The following SUB1 variants were observed in gnomAD, a reference collection of about 807,000 sequenced individuals.
SUB1 encodes SUB1 regulator of transcription.
SUB1 carries 1 observed loss-of-function variant against 16.9 expected under a neutral mutation model. That is an observed-to-expected ratio of 0.06 (90% confidence interval 0.02 to 0.28). The LOEUF (loss-of-function observed/expected upper bound fraction) is 0.28, where lower values mean the gene tolerates loss of function less well. Among genes scored for constraint, SUB1 ranks in the 10% least tolerant of loss-of-function variants. The pLI is 1.00. For synonymous variants in SUB1, 51 were observed against 46.9 expected (o/e 1.09, Z -0.36); for missense variants, 84 against 145.2 (o/e 0.58, Z 2.16).
intron 3 of SUB1, 89 bp from the exon 4 acceptor site, chr5:32,598,872 A>G (rs1739047455): frequency 1.0e-6 from 1 of 959,940 alleles, no homozygotes; most frequent in Non-Finnish European, 1.6e-6. Context: ...ATGTAGAGTG[A>G]GCATGCAGCA....
chr5:32,603,855 A>AT lies in SUB1; in HGVS notation c.*2777dup, dbSNP rs972670923. 18 of 151,820 alleles carry AT rather than the reference A, an allele frequency of 1.2e-4. No individual in the cohort carries two copies. The highest frequency in any genetic ancestry group is 3.9e-4 in the African/African-American group (16 of 41,344). The allele number at this position is 151,820 out of a possible 1,614,324, so 9.4% of individuals were successfully genotyped here. On this transcript the variant is annotated 3_prime_UTR_variant, in exon 5 of 5. Coordinates refer to ENST00000265073, the MANE Select transcript of SUB1 (RefSeq NM_006713.4). ...TCTCTCCTGAAATTCTTTGCAGTTC[A>AT]TTTTTTATGGCAGTTAATCCAGTGA...
intron 1 of SUB1, among the ~76,000 whole-genome samples, chr5:32,587,290 C>G (rs1738697929): frequency 6.6e-6 from 1 of 152,120 alleles, no homozygotes; most frequent in South Asian, 2.1e-4. Context: ...GTTTTATGAC[C>G]TGGTGTTATA....
intron 4 of SUB1, 49 bp from the exon 5 acceptor site, chr5:32,600,956 T>A (rs1739100609): frequency 6.5e-7 from 1 of 1,533,442 alleles, no homozygotes; most frequent in Non-Finnish European, 9.0e-7. Context: ...ATGAAAATCC[T>A]CAACGCTTAA....
At chr5:32,587,572 A>T (rs1440103927) in intron 1 of SUB1, among the ~76,000 whole-genome samples, 1 of 152,098 alleles carries the variant, frequency 6.6e-6, no homozygotes, top group East Asian at 1.9e-4. Flanking sequence ...AGAGTAGAAA[A>T]ATCTGTGTAA....
chr5:32,600,944 G>A lies in SUB1; in HGVS notation c.305-61G>A, dbSNP rs1273554720. 8 of 1,461,094 alleles carry A rather than the reference G, an allele frequency of 5.5e-6. No individual in the cohort carries two copies. The East Asian group carries it at 1.8e-4, about 33-fold the overall frequency. 90.5% of individuals were successfully genotyped at this position (1,461,094 alleles called of 1,614,324 possible). On this transcript the variant is annotated intron_variant, in intron 4 of 4. Transcript: ENST00000265073. ...TGATAAAACAGTATTCTAGTTGGAA[G>A]TATGAAAATCCTCAACGCTTAAATA...
rs1330282529 is a variant in SUB1 at position 32,601,630 on chromosome 5, G to C, written c.*546G>C. ...TACTTCACTCTTTATTCTTTTCTTT[G>C]ATTATGGTATGCTTATTTGGAAAGT... On this transcript the variant is annotated 3_prime_UTR_variant, in exon 5 of 5. Coordinates refer to ENST00000265073, the MANE Select transcript of SUB1 (RefSeq NM_006713.4). 1 of 152,322 alleles carries C rather than the reference G, an allele frequency of 6.6e-6. No homozygotes were observed. Among genetic ancestry groups the C allele is most frequent in the Non-Finnish European group, 1.5e-5 (1 of 68,406 alleles). The allele number at this position is 152,322 out of a possible 1,614,324, so 9.4% of individuals were successfully genotyped here.
rs1446579299 is a variant in SUB1, at chr5:32,602,878, G to A, written c.*1794G>A. On this transcript the variant is annotated 3_prime_UTR_variant, in exon 5 of 5. Coordinates refer to ENST00000265073, the MANE Select transcript of SUB1 (RefSeq NM_006713.4). ...ACTTCCCTCCTTTTTTGGGGAACAT[G>A]TTTGTGTCCTATTAACTTAATTGGA... 2 of 152,014 alleles carry A rather than the reference G, an allele frequency of 1.3e-5. No individual in the cohort carries two copies. Among genetic ancestry groups the A allele is most frequent in the African/African-American group, 4.8e-5 (2 of 41,386 alleles). 9.4% of individuals were successfully genotyped at this position (152,014 alleles called of 1,614,324 possible). A position where few individuals can be genotyped will look rare whatever the true frequency, so the allele number is the denominator to read the frequency against.
Position 32,601,199 on chromosome 5 carries a change from G to T in SUB1, c.*115G>T, listed in dbSNP as rs1739106256. ...GCTATTGTATGTTTGGATTGCAGAA[G>T]AATTTGTAAGATGAATACTTTTTTT... On this transcript the variant is annotated 3_prime_UTR_variant, in exon 5 of 5. Transcript: ENST00000265073. The T allele has an allele frequency of 7.8e-6, 6 of 770,986 alleles. No individual in the cohort carries two copies. Among genetic ancestry groups the T allele is most frequent in the Non-Finnish European group, 1.3e-5 (6 of 477,146 alleles). The allele number at this position is 770,986 out of a possible 1,614,324, so 47.8% of individuals were successfully genotyped here.
At chr5:32,589,508 A>G (rs578066969) in intron 2 of SUB1, among the ~76,000 whole-genome samples, 19 of 152,350 alleles carry the variant, frequency 1.2e-4, no homozygotes, top group African/African-American at 4.6e-4. Flanking sequence ...GGTCCCTTCC[A>G]TTTAATTAAA....
At chr5:32,591,471 G>C in intron 2 of SUB1, 92 bp from the exon 3 acceptor site, 1 of 1,431,894 alleles carries the variant, frequency 7.0e-7, no homozygotes, top group Non-Finnish European at 9.2e-7. Flanking sequence ...GTAGTCTTTT[G>C]ATTGTTTAAA....
At position 32,603,907 on chromosome 5, in the gene SUB1, A is replaced by G. The variant is rs1309900368; in HGVS notation, c.*2823A>G. 2.0e-5 allele frequency: 3 copies of G among 147,728 alleles called. No homozygotes were observed. Among genetic ancestry groups the G allele is most frequent in the Non-Finnish European group, 1.5e-5 (1 of 67,622 alleles). The allele number at this position is 147,728 out of a possible 1,614,324, so 9.2% of individuals were successfully genotyped here. On this transcript the variant is annotated 3_prime_UTR_variant, in exon 5 of 5. Coordinates refer to ENST00000265073, the MANE Select transcript of SUB1 (RefSeq NM_006713.4). ...ACACTCAAAAGTTTTTTTTTTTTTA[A>G]AAGTGTTTTTCCAGATAAACTGTAG...
In SUB1 at chr5:32,585,621, G is replaced by C. The variant is rs983283576; in HGVS notation, c.-6G>C. The C allele has an allele frequency of 6.6e-6, 1 of 152,312 alleles. No individual in the cohort carries two copies. The highest frequency in any genetic ancestry group is 2.1e-4 in the South Asian group (1 of 4,838). The allele number at this position is 152,312 out of a possible 1,614,324, so 9.4% of individuals were successfully genotyped here. A position where few individuals can be genotyped will look rare whatever the true frequency, so the allele number is the denominator to read the frequency against. On this transcript the variant is annotated 5_prime_UTR_variant, in exon 1 of 5. Coordinates refer to ENST00000265073, the MANE Select transcript of SUB1 (RefSeq NM_006713.4). ...GGGTGTTCGACTGCTAGAGCCGAGC[G>C]AAGCGTGAGTGCGCGGGACCCCCTA... is the stretch of plus-strand genomic sequence containing the variant.
chr5:32,603,645 A>G lies in SUB1; in HGVS notation c.*2561A>G, dbSNP rs192691456. The G allele has an allele frequency of 1.3e-5, 2 of 152,314 alleles. No individual in the cohort carries two copies. Among genetic ancestry groups the G allele is most frequent in the Non-Finnish European group, 2.9e-5 (2 of 68,010 alleles). 9.4% of individuals were successfully genotyped at this position (152,314 alleles called of 1,614,324 possible). ...CTCATTAGCTACTCAAGATGCTGTG[A>G]CGATCAAATCTATTCTACATAATGC... On this transcript the variant is annotated 3_prime_UTR_variant, in exon 5 of 5. Transcript: ENST00000265073.
chr5:32,601,079 C>G lies in SUB1; in HGVS notation c.379C>G (p.Leu127Val). Residue 127 changes from leucine to valine, a missense_variant, in exon 5 of 5, where the codon CTG becomes GTG. Around this residue, in one of 2 missense-constraint regions of SUB1, gnomAD observed 24 missense variants for 80.3 expected, o/e 0.30. Coordinates refer to ENST00000265073, the MANE Select transcript of SUB1 (RefSeq NM_006713.4). ...ISDIDDAVRK[L>V] ...TGACATTGATGATGCAGTAAGAAAACTGTAAAATTCGAGCCATATAAATAA... is the reference window on the plus strand; with the variant it reads ...TGACATTGATGATGCAGTAAGAAAAGTGTAAAATTCGAGCCATATAAATAA... The G allele has an allele frequency of 1.9e-6, 3 of 1,611,074 alleles. No individual in the cohort carries two copies. The highest frequency in any genetic ancestry group is 2.5e-6 in the Non-Finnish European group (3 of 1,179,074).
chr5:32,602,239 A>G lies in SUB1; in HGVS notation c.*1155A>G, dbSNP rs1442678715. Reference sequence around the variant, plus strand: ...GATTTTAGTGGCTTTGTGGCAATAAATAGGGCATGGTGTGCCTTAGGAAAA... The same window carrying G: ...GATTTTAGTGGCTTTGTGGCAATAAGTAGGGCATGGTGTGCCTTAGGAAAA... On this transcript the variant is annotated 3_prime_UTR_variant, in exon 5 of 5. Transcript: ENST00000265073. 1 of 455,476 alleles carries G rather than the reference A, an allele frequency of 2.2e-6. No homozygotes were observed. Among genetic ancestry groups the G allele is most frequent in the East Asian group, 6.9e-5 (1 of 14,410 alleles). 28.2% of individuals were successfully genotyped at this position (455,476 alleles called of 1,614,324 possible). A position where few individuals can be genotyped will look rare whatever the true frequency, so the allele number is the denominator to read the frequency against.
At chr5:32,594,453 A>G in intron 3 of SUB1, 1 of 309,348 alleles carries the variant, frequency 3.2e-6, no homozygotes, top group Non-Finnish European at 6.7e-6. Context: ...TGATGATTTA[A>G]GGATACTTGA....
chr5:32,598,940 T>C, intron 3 of SUB1, 21 bp from the exon 4 acceptor site: 3 of 1,586,432 alleles, frequency 1.9e-6, no homozygotes, highest in Non-Finnish European at 1.7e-6. Flanking sequence ...GCACCTCTTT[T>C]TATGTTTGTT....
At position 32,600,852 on chromosome 5, in the gene SUB1, G is replaced by A. The variant is rs555492677; in HGVS notation, c.305-153G>A. 2.0e-4 allele frequency among the ~76,000 whole-genome samples: 31 copies of A among 152,154 alleles called. No homozygotes were observed. The East Asian group carries it at 5.0e-3, about 25-fold the overall frequency. ...ACTCCTGACCTCAAGTGATCCACCC[G>A]CCTTGGCCTCCCAAAGTGCTGGGAT... is the stretch of plus-strand genomic sequence containing the variant. On this transcript the variant is annotated intron_variant, in intron 4 of 4. Transcript: ENST00000265073.
chr5:32,594,645 C>A, intron 3 of SUB1: 1 of 451,876 alleles, frequency 2.2e-6, no homozygotes, highest in Non-Finnish European at 4.5e-6. Context: ...ACATTGCAGC[C>A]CGAGCTCTGC....
Sources: allele counts gnomAD v4.1 joint callset (sites outside exome capture counted in the v4.1 genomes callset), GRCh38; gene constraint gnomAD v4.1.1; regional missense constraint gnomAD v4.1.1; transcripts MANE v1.5; gene names NCBI Gene and HGNC (gene_info 2026-07-23, HGNC 2026-07-21).